Variants in GRIN2B observed in about 807,000 individuals in gnomAD.
The protein encoded by GRIN2B is glutamate ionotropic receptor NMDA type subunit 2B, also known as glutamate receptor ionotropic, NMDA 2B.
Under a neutral mutation model 114.5 loss-of-function variants are expected in GRIN2B, and 5 were observed. That is an observed-to-expected ratio of 0.04 (90% CI 0.02 to 0.09). The LOEUF is 0.09. Among genes scored for constraint, GRIN2B ranks in the 10% least tolerant of loss-of-function variants. The pLI, the probability that GRIN2B is intolerant of heterozygous loss-of-function variation, is 1.00. For synonymous variants in GRIN2B, 787 were observed against 745.1 expected, an observed-to-expected ratio of 1.06 and a Z score of -0.92; for missense variants, 1,108 against 1,943.5, an observed-to-expected ratio of 0.57 and a Z score of 8.08.
intron 3 of GRIN2B, among the ~76,000 whole-genome samples, chr12:13,763,644 T>C (rs1011752139): frequency 6.6e-6 from 1 of 152,160 alleles, no homozygotes; most frequent in Non-Finnish European, 1.5e-5. Flanking sequence ...GTCAAACTCC[T>C]GCACACCCAC....
chr12:13,948,326 C>T lies in GRIN2B; in HGVS notation c.-19+31602G>A, dbSNP rs1281393130. Among the ~76,000 whole-genome samples, 4 of 152,108 alleles carry T rather than the reference C, an allele frequency of 2.6e-5. No individual in the cohort carries two copies. The East Asian group carries it at 7.7e-4, about 29-fold the overall frequency. ...TTTAAATGCTAAATTCAAAAATGGG[C>T]TGCGATGAAAGAACAACAAACCTTT... On this transcript the variant is annotated intron_variant, in intron 2 of 13. Transcript: ENST00000609686.
chr12:13,608,966 C>A, intron 9 of GRIN2B, 134 bp from the exon 10 acceptor site: 1 of 707,990 alleles, frequency 1.4e-6, no homozygotes, highest in Non-Finnish European at 2.5e-6. Flanking sequence ...TTATAGACGG[C>A]TTTTAAATTT....
At chr12:13,860,791 A>G (rs1031327930) in intron 3 of GRIN2B, among the ~76,000 whole-genome samples, 3 of 152,186 alleles carry the variant, frequency 2.0e-5, no homozygotes, top group Non-Finnish European at 4.4e-5. Flanking sequence ...CCCTTTACTC[A>G]GCATACCCTT....
chr12:13,678,406 G>A (rs1037123725), intron 4 of GRIN2B, among the ~76,000 whole-genome samples: 1 of 152,074 alleles, frequency 6.6e-6, no homozygotes, highest in African/African-American at 2.4e-5. Context: ...CAGTATGACC[G>A]TTACACAGCT....
At chr12:13,600,490 T>A (rs1202314942) in intron 10 of GRIN2B, among the ~76,000 whole-genome samples, 1 of 144,564 alleles carries the variant, frequency 6.9e-6, no homozygotes, top group Non-Finnish European at 1.6e-5. Context: ...GGTAGGGATG[T>A]GTGTGTGCAT....
intron 5 of GRIN2B, among the ~76,000 whole-genome samples, chr12:13,647,005 A>G (rs1419954840): frequency 6.6e-6 from 1 of 152,126 alleles, no homozygotes; most frequent in Admixed American, 6.6e-5. Flanking sequence ...CCTCAGCCAA[A>G]TAGCCACAAG....
At chr12:13,584,633 G>A (rs539664587) in intron 10 of GRIN2B, among the ~76,000 whole-genome samples, 1 of 152,274 alleles carries the variant, frequency 6.6e-6, no homozygotes, top group South Asian at 2.1e-4. Flanking sequence ...CATCTTTCCT[G>A]GCACTTTCTC....
Position 13,762,486 on chromosome 12 carries a change from T to C in GRIN2B, c.412-8571A>G, listed in dbSNP as rs1863696482. On this transcript the variant is annotated intron_variant, in intron 3 of 13. Transcript: ENST00000609686. The stretch of plus-strand genomic sequence containing the variant: ...CTAGCGGCATTTTTCAGAGTAAAGA[T>C]GTTGACATTTGTCTCAAATAAATTA... 2.6e-5 allele frequency among the ~76,000 whole-genome samples: 4 copies of C among 152,376 alleles called. No homozygotes were observed. In the South Asian group the frequency reaches 8.3e-4, roughly 32 times the overall value.
chr12:13,583,912 G>C (rs1948884834), intron 10 of GRIN2B, among the ~76,000 whole-genome samples: 1 of 152,130 alleles, frequency 6.6e-6, no homozygotes, highest in Admixed American at 6.5e-5. Flanking sequence ...TTCAGCTAAA[G>C]CAGCATGGCT....
intron 3 of GRIN2B, among the ~76,000 whole-genome samples, chr12:13,845,837 C>A (rs771783173): frequency 5.1e-4 from 78 of 152,158 alleles, no homozygotes; most frequent in Non-Finnish European, 9.7e-4. Context: ...ATTCTCTTTG[C>A]AACCTTTTAT....
rs756487785 is a variant in GRIN2B, at chr12:13,564,484, C to T, written c.2754G>A (p.Pro918=). The part of the protein sequence containing the change: ...MANLSGVNGS[P]QSALDFIRRE... ...GTCGGATGAAGTCCAGGGCGCTCTG[C>T]GGTGAGCCATTCACACCAGACAGGT... Residue 918 remains proline, a synonymous_variant, in exon 14 of 14, where the codon CCG becomes CCA. Coordinates refer to ENST00000609686, the MANE Select transcript of GRIN2B (RefSeq NM_000834.5). The surrounding 1 kb of genome is among the most constrained non-coding windows in gnomAD (Gnocchi z 4.8). The T allele has an allele frequency of 5.0e-6, 8 of 1,614,054 alleles. No individual in the cohort carries two copies. The highest frequency in any genetic ancestry group is 1.3e-5 in the African/African-American group (1 of 74,942).
In GRIN2B at chr12:13,783,018, C is replaced by G. The variant is rs1311492045; in HGVS notation, c.412-29103G>C. 2.0e-5 allele frequency among the ~76,000 whole-genome samples: 3 copies of G among 152,286 alleles called. No individual in the cohort carries two copies. In the East Asian group the frequency reaches 5.8e-4, roughly 29 times the overall value. Reference sequence around the variant, plus strand: ...AGTCACTGTCCTTCCCCCCAAAAAACCTAGACTTTCCAAAGACTGGGAAAT... The same window carrying G: ...AGTCACTGTCCTTCCCCCCAAAAAAGCTAGACTTTCCAAAGACTGGGAAAT... On this transcript the variant is annotated intron_variant, in intron 3 of 13. Transcript: ENST00000609686.
chr12:13,804,652 T>A (rs1378894613), intron 3 of GRIN2B, among the ~76,000 whole-genome samples: 1 of 152,170 alleles, frequency 6.6e-6, no homozygotes, highest in Non-Finnish European at 1.5e-5. Context: ...AAACTTCTGA[T>A]TTCCTATATA....
At chr12:13,914,925 G>GA (rs1866687898) in intron 2 of GRIN2B, among the ~76,000 whole-genome samples, 1 of 152,092 alleles carries the variant, frequency 6.6e-6, no homozygotes, top group Non-Finnish European at 1.5e-5. Flanking sequence ...AAGGGTAGAG[G>GA]AAAGAGGGGA....
At chr12:13,871,311 T>C (rs920664739) in intron 2 of GRIN2B, among the ~76,000 whole-genome samples, 10 of 151,722 alleles carry the variant, frequency 6.6e-5, no homozygotes, top group African/African-American at 2.4e-4. Flanking sequence ...TCAATTGTCA[T>C]TTTTCTATAA....
At chr12:13,712,899 T>C (rs921014133) in intron 4 of GRIN2B, among the ~76,000 whole-genome samples, 1 of 151,926 alleles carries the variant, frequency 6.6e-6, no homozygotes, top group African/African-American at 2.4e-5. Context: ...ATATTCAGAA[T>C]ATGTGACAGT....
chr12:13,887,403 A>C (rs1253722298), intron 2 of GRIN2B, among the ~76,000 whole-genome samples: 2 of 152,206 alleles, frequency 1.3e-5, no homozygotes, highest in African/African-American at 4.8e-5. Flanking sequence ...AGTGTAGTAA[A>C]ATCTTCACAG....
rs1948478600 is a variant in GRIN2B, at chr12:13,556,287, A to G, written c.*6496T>C. ...TCCTACCCTGAAACCAGAAAATATT[A>G]AACTTGCATGTATAATCATACAAAT... On this transcript the variant is annotated 3_prime_UTR_variant, in exon 14 of 14. Transcript: ENST00000609686. 6.6e-6 allele frequency: 1 copy of G among 152,226 alleles called. No individual in the cohort carries two copies. The highest frequency in any genetic ancestry group is 1.5e-5 in the Non-Finnish European group (1 of 68,036). 9.4% of individuals were successfully genotyped at this position (152,226 alleles called of 1,614,324 possible).
At chr12:13,856,991 T>A (rs1336675803) in intron 3 of GRIN2B, among the ~76,000 whole-genome samples, 1 of 152,206 alleles carries the variant, frequency 6.6e-6, no homozygotes, top group African/African-American at 2.4e-5. Flanking sequence ...ATCTAATTAC[T>A]CTTGTCATCA....
Sources: allele counts gnomAD v4.1 joint callset (sites outside exome capture counted in the v4.1 genomes callset), GRCh38; gene constraint gnomAD v4.1.1; non-coding constraint Gnocchi (gnomAD v3.1); transcripts MANE v1.5; gene names NCBI Gene and HGNC (gene_info 2026-07-23, HGNC 2026-07-21).